Variants in HACD3 observed in about 807,000 individuals in gnomAD.
The protein encoded by HACD3 is very-long-chain (3R)-3-hydroxyacyl-CoA dehydratase 3.
HACD3 carries 30 observed loss-of-function variants against 55.2 expected under a neutral mutation model. The ratio of observed to expected loss-of-function variants is 0.54; its 90% CI spans 0.41 to 0.74. The LOEUF (loss-of-function observed/expected upper bound fraction) is 0.74, where lower values mean the gene tolerates loss of function less well. HACD3 is among the 30% of genes least tolerant of loss of function. HACD3 has a pLI of 0.00. For missense variants in HACD3, 363 were observed against 440.1 expected, an observed-to-expected ratio of 0.82 and a Z score of 1.57; for synonymous variants, 141 against 151.7, an observed-to-expected ratio of 0.93 and a Z score of 0.52.
chr15:65,575,028 A>G (rs897235372), intron 10 of HACD3, among the ~76,000 whole-genome samples: 2 of 152,180 alleles, frequency 1.3e-5, no homozygotes, highest in Admixed American at 6.5e-5. Flanking sequence ...GTACACTCTA[A>G]TTTGCAAGAT....
At chr15:65,570,431 A>G (rs2072336840) in intron 8 of HACD3, among the ~76,000 whole-genome samples, 1 of 152,230 alleles carries the variant, frequency 6.6e-6, no homozygotes, top group African/African-American at 2.4e-5. Flanking sequence ...GAAGAGGAGA[A>G]CCAGAGAAAG....
At chr15:65,542,027 G>A (rs1351246728) in intron 1 of HACD3, among the ~76,000 whole-genome samples, 1 of 151,852 alleles carries the variant, frequency 6.6e-6, no homozygotes, top group Non-Finnish European at 1.5e-5. Flanking sequence ...TCAATAGATC[G>A]AGACCATCCT....
chr15:65,573,287 AT>A (rs953121558), intron 10 of HACD3, among the ~76,000 whole-genome samples: 2 of 151,904 alleles, frequency 1.3e-5, no homozygotes, highest in Non-Finnish European at 2.9e-5. Flanking sequence ...AACTATAAGG[AT>A]TTTTTTTTGT....
At chr15:65,539,134 T>C (rs2071993230) in intron 1 of HACD3, among the ~76,000 whole-genome samples, 1 of 151,722 alleles carries the variant, frequency 6.6e-6, no homozygotes, top group African/African-American at 2.4e-5. Flanking sequence ...GATAGGATAC[T>C]GTTTCTCACA....
intron 10 of HACD3, among the ~76,000 whole-genome samples, chr15:65,575,171 G>C (rs1022467790): frequency 1.2e-4 from 18 of 151,562 alleles, no homozygotes; most frequent in African/African-American, 4.4e-4. Context: ...TTTGTATATA[G>C]GTCAAAGGAC....
At chr15:65,543,073 TAA>T (rs550281162) in intron 1 of HACD3, among the ~76,000 whole-genome samples, 27 of 113,906 alleles carry the variant, frequency 2.4e-4, no homozygotes, top group Admixed American at 3.7e-4. Flanking sequence ...TCTGTCTCTC[TAA>T]AAAAAAAAAA....
intron 7 of HACD3, chr15:65,564,937 A>G (rs1484450048): frequency 6.6e-6 from 1 of 152,310 alleles, no homozygotes; most frequent in Admixed American, 6.5e-5. Context: ...AAATCAAAGC[A>G]CACTAGTTAC....
intron 6 of HACD3, 109 bp from the exon 7 acceptor site, chr15:65,564,106 G>A: frequency 7.4e-7 from 1 of 1,353,540 alleles, no homozygotes; most frequent in Non-Finnish European, 1.0e-6. Flanking sequence ...CTGGATGTTT[G>A]TTATTCCTTT....
chr15:65,572,206 T>G, intron 9 of HACD3, 29 bp from the exon 10 acceptor site: 1 of 1,609,150 alleles, frequency 6.2e-7, no homozygotes, highest in Non-Finnish European at 8.5e-7. Flanking sequence ...TTTCATTTGC[T>G]TCTAACAAGT....
chr15:65,545,734 G>A (rs1037688531), intron 1 of HACD3, among the ~76,000 whole-genome samples: 1 of 140,670 alleles, frequency 7.1e-6, no homozygotes, highest in Non-Finnish European at 1.6e-5. Flanking sequence ...GATTACAGGC[G>A]TGAGCCACCC....
At chr15:65,545,485 C>T (rs1293343771) in intron 1 of HACD3, among the ~76,000 whole-genome samples, 2 of 149,210 alleles carry the variant, frequency 1.3e-5, no homozygotes, top group Non-Finnish European at 3.0e-5. Context: ...GACGGAGTCT[C>T]GCTCTGTCGC....
chr15:65,552,868 G>C (rs1414455765), intron 2 of HACD3, among the ~76,000 whole-genome samples: 5 of 144,482 alleles, frequency 3.5e-5, no homozygotes, highest in South Asian at 4.6e-4. Context: ...ACAGTCCCCA[G>C]AGTGTGATAT....
chr15:65,553,627 G>C (rs2072157372), intron 2 of HACD3, among the ~76,000 whole-genome samples: 1 of 152,044 alleles, frequency 6.6e-6, no homozygotes. Context: ...ACTCAGCTCA[G>C]GTTTTTTGGG....
At chr15:65,570,060 C>A in intron 7 of HACD3, 31 bp from the exon 8 acceptor site, 2 of 1,415,452 alleles carry the variant, frequency 1.4e-6, no homozygotes, top group Non-Finnish European at 2.0e-6. Flanking sequence ...ATTTTATTAA[C>A]TTTTTTCTCT....
chr15:65,539,607 G>A (rs1487206676), intron 1 of HACD3, among the ~76,000 whole-genome samples: 1 of 152,084 alleles, frequency 6.6e-6, no homozygotes, highest in Non-Finnish European at 1.5e-5. Context: ...AGCTGAAGTT[G>A]TATGTCTTTA....
In HACD3 at chr15:65,534,776, G is replaced by A. The variant is rs760793479; in HGVS notation, c.87+4058G>A. ...GAACCTGACGCTCTTCATCCAGACA[G>A]ATATGAACAGTAGTGCCTAACTCAT... is the stretch of plus-strand genomic sequence containing the variant. On this transcript the variant is annotated intron_variant, in intron 1 of 10. Transcript: ENST00000261875. 2.0e-4 allele frequency among the ~76,000 whole-genome samples: 31 copies of A among 152,214 alleles called. 1 individual carries two copies. The highest frequency in any genetic ancestry group is 7.3e-5 in the Non-Finnish European group (5 of 68,040).
At chr15:65,566,277 AT>A in intron 7 of HACD3, 1 of 164,242 alleles carries the variant, frequency 6.1e-6, no homozygotes, top group Non-Finnish European at 1.3e-5. Context: ...TCACTTCCAC[AT>A]TTTCGGGTAT....
At chr15:65,547,050 G>A (rs1013803897) in intron 1 of HACD3, among the ~76,000 whole-genome samples, 10 of 151,970 alleles carry the variant, frequency 6.6e-5, no homozygotes, top group African/African-American at 2.4e-4. Context: ...CTCCACCAGC[G>A]ACGAAAAATG....
In HACD3 at chr15:65,558,693, T is replaced by C. The variant is rs765804659; in HGVS notation, c.383T>C (p.Leu128Pro). The C allele has an allele frequency of 6.3e-7, 1 of 1,599,422 alleles. No individual in the cohort carries two copies. The highest frequency in any genetic ancestry group is 8.5e-7 in the Non-Finnish European group (1 of 1,172,760). Reference sequence around the variant, plus strand: ...TCTAAATTCTAGGAAGAAGAGCGCCTAAATAAACTCCGACTGGAAAGCGAA... The same window carrying C: ...TCTAAATTCTAGGAAGAAGAGCGCCCAAATAAACTCCGACTGGAAAGCGAA... ...MELRAKEEER[L>P]NKLRLESEGS... The change falls in exon 5 of 11, where the codon CTA becomes CCA. Residue 128 changes from leucine (L) to proline (P), a missense_variant. Physicochemically the swap from Leu to Pro is moderately conservative, Grantham distance 98. Transcript: ENST00000261875.
Sources: gnomAD v4.1 joint callset for allele counts (sites outside exome capture counted in the v4.1 genomes callset) on GRCh38, gnomAD v4.1.1 for gene constraint, MANE v1.5 for transcripts, NCBI Gene and HGNC (gene_info 2026-07-23, HGNC 2026-07-21) for gene names.